The following LHFPL3 variants were observed in gnomAD, a reference collection of about 807,000 sequenced individuals.
LHFPL3 encodes the protein LHFPL tetraspan subfamily member 3 protein.
LHFPL3 carries 5 observed loss-of-function variants against 19.3 expected under a neutral mutation model. The observed-to-expected ratio is 0.26, with a 90% confidence interval of 0.14 to 0.54. The LOEUF (loss-of-function observed/expected upper bound fraction) is 0.54, where lower values mean the gene tolerates loss of function less well. Among genes scored for constraint, LHFPL3 ranks in the 20% least tolerant of loss-of-function variants. The pLI is 0.94. For synonymous variants in LHFPL3, 133 were observed against 126.2 expected, an observed-to-expected ratio of 1.05 and a Z score of -0.36; for missense variants, 249 against 307.4, an observed-to-expected ratio of 0.81 and a Z score of 1.42.
intron 1 of LHFPL3, among the ~76,000 whole-genome samples, chr7:104,366,321 TG>T (rs1254638263): frequency 6.6e-6 from 1 of 152,186 alleles, no homozygotes; most frequent in Non-Finnish European, 1.5e-5. Flanking sequence ...AACAGAGTGC[TG>T]GATTGTGAGT....
intron 1 of LHFPL3, among the ~76,000 whole-genome samples, chr7:104,491,036 T>C (rs1208990318): frequency 1.3e-5 from 2 of 152,034 alleles, no homozygotes; most frequent in African/African-American, 2.4e-5. Flanking sequence ...ATCTCAAGGG[T>C]GCAGGGTTTA....
chr7:104,754,949 G>A (rs1174099452), intron 2 of LHFPL3, among the ~76,000 whole-genome samples: 3 of 152,124 alleles, frequency 2.0e-5, no homozygotes, highest in East Asian at 1.9e-4. Flanking sequence ...GGCAGAGTGC[G>A]GTTCATCTAA....
Position 104,329,368 on chromosome 7 carries a change from G to A in LHFPL3, c.445+144G>A, listed in dbSNP as rs1018207558. ...CTCAGGCGTCGAGGTGTGGGGGGCG[G>A]GAGCCCAGCGAGGCCGGAACCCCCG... On this transcript the variant is annotated intron_variant, in intron 1 of 2. Coordinates refer to ENST00000424859, the MANE Select transcript of LHFPL3 (RefSeq NM_199000.3). The A allele has an allele frequency of 1.2e-5, 13 of 1,112,644 alleles. No homozygotes were observed. In the Admixed American group the frequency reaches 3.3e-4, roughly 28 times the overall value. 68.9% of individuals were successfully genotyped at this position (1,112,644 alleles called of 1,614,324 possible). A position where few individuals can be genotyped will look rare whatever the true frequency, so the allele number is the denominator to read the frequency against.
chr7:104,790,078 G>T (rs1291461025), intron 2 of LHFPL3, among the ~76,000 whole-genome samples: 1 of 152,204 alleles, frequency 6.6e-6, no homozygotes, highest in Non-Finnish European at 1.5e-5. Flanking sequence ...AGCCAATGAA[G>T]TCACCTTGCT....
chr7:104,880,901 T>G (rs1792038442), intron 2 of LHFPL3, among the ~76,000 whole-genome samples: 1 of 152,200 alleles, frequency 6.6e-6, no homozygotes, highest in Admixed American at 6.5e-5. Context: ...CCAGGCGCGG[T>G]GGCTCATGCC....
intron 1 of LHFPL3, among the ~76,000 whole-genome samples, chr7:104,645,754 G>A (rs939546583): frequency 2.3e-5 from 3 of 132,880 alleles, no homozygotes; most frequent in Non-Finnish European, 4.6e-5. Context: ...TCCGCCTCCC[G>A]GGTTCACGCC....
intron 1 of LHFPL3, among the ~76,000 whole-genome samples, chr7:104,426,262 T>C (rs977142399): frequency 2.0e-5 from 3 of 151,282 alleles, no homozygotes; most frequent in African/African-American, 7.2e-5. Flanking sequence ...GTTTGTTTGT[T>C]TGTTTGTTTT....
Position 104,465,674 on chromosome 7 carries a change from A to G in LHFPL3, c.445+136450A>G, listed in dbSNP as rs187827616. 1.4e-3 allele frequency among the ~76,000 whole-genome samples: 217 copies of G among 152,326 alleles called. 4 individuals are homozygous for G. The highest frequency in any genetic ancestry group is 3.1e-4 in the Non-Finnish European group (21 of 68,034). On this transcript the variant is annotated intron_variant, in intron 1 of 2. Coordinates refer to ENST00000424859, the MANE Select transcript of LHFPL3 (RefSeq NM_199000.3). ...CAGATCTTGTGAGAACTCACTCACTATCATGAGAACAGCATAAGGGTAACT... is the reference window on the plus strand; with the variant it reads ...CAGATCTTGTGAGAACTCACTCACTGTCATGAGAACAGCATAAGGGTAACT...
chr7:104,768,378 A>G (rs1052237201), intron 2 of LHFPL3, among the ~76,000 whole-genome samples: 5 of 152,152 alleles, frequency 3.3e-5, no homozygotes, highest in African/African-American at 1.2e-4. Context: ...TCACACTCCC[A>G]TCTCCAGGGA....
chr7:104,779,838 C>T (rs4400324), intron 2 of LHFPL3, among the ~76,000 whole-genome samples: 127,451 of 152,252 alleles, frequency 0.84, 53,707 homozygotes, highest in South Asian at 0.87. Context: ...GGTTGATCTG[C>T]AAGACTCCGT....
At chr7:104,560,052 C>G (rs1041579265) in intron 1 of LHFPL3, among the ~76,000 whole-genome samples, 1 of 147,884 alleles carries the variant, frequency 6.8e-6, no homozygotes, top group African/African-American at 2.6e-5. Flanking sequence ...GGTGGATAAG[C>G]TTTTTGATGT....
intron 2 of LHFPL3, among the ~76,000 whole-genome samples, chr7:104,841,268 A>C (rs1470985533): frequency 6.6e-6 from 1 of 152,098 alleles, no homozygotes; most frequent in Non-Finnish European, 1.5e-5. Flanking sequence ...GGTCAGGGAG[A>C]CCCAGAAGAG....
chr7:104,511,761 A>G (rs1793818003), intron 1 of LHFPL3, among the ~76,000 whole-genome samples: 1 of 152,078 alleles, frequency 6.6e-6, no homozygotes, highest in Admixed American at 6.5e-5. Flanking sequence ...AATCACCACT[A>G]AAGATCTTAT....
rs58195065 is a variant in LHFPL3, at chr7:104,622,002, A to G, written c.446-114673A>G. On this transcript the variant is annotated intron_variant, in intron 1 of 2. Transcript: ENST00000424859. ...AGCACATGTGTTTATAATTAATTAA[A>G]TACCCCTGATTTCTACTTAATATGC... Among the ~76,000 whole-genome samples the G allele has an allele frequency of 4.0e-3, 613 of 152,290 alleles. 35 individuals carry two copies. In the East Asian group the frequency reaches 0.099, roughly 25 times the overall value.
intron 1 of LHFPL3, among the ~76,000 whole-genome samples, chr7:104,598,142 A>T (rs1790899153): frequency 6.6e-6 from 1 of 152,206 alleles, no homozygotes. Flanking sequence ...GAGCATCCAC[A>T]TCAATTTTCA....
chr7:104,493,405 C>A (rs1369711231), intron 1 of LHFPL3, among the ~76,000 whole-genome samples: 1 of 151,776 alleles, frequency 6.6e-6, no homozygotes, highest in Non-Finnish European at 1.5e-5. Flanking sequence ...GTTTCATTGT[C>A]TTCTCTCTGT....
intron 1 of LHFPL3, among the ~76,000 whole-genome samples, chr7:104,349,072 C>T (rs1343485208): frequency 1.3e-5 from 2 of 152,014 alleles, no homozygotes; most frequent in African/African-American, 4.8e-5. Flanking sequence ...GAAGTTAAAA[C>T]TCTCTGGGAA....
intron 1 of LHFPL3, among the ~76,000 whole-genome samples, chr7:104,502,059 G>GA (rs1391206535): frequency 7.2e-5 from 11 of 152,230 alleles, no homozygotes; most frequent in Admixed American, 7.2e-4. Flanking sequence ...ATACCTACAA[G>GA]AAAAAAATGA....
chr7:104,906,104 G>A (rs1792595342), intron 2 of LHFPL3, 83 bp from the exon 3 acceptor site: 2 of 1,299,108 alleles, frequency 1.5e-6, no homozygotes, highest in African/African-American at 1.5e-5. Flanking sequence ...CAAATATTAT[G>A]CACAAAAATC....
Sources: allele counts gnomAD v4.1 joint callset (sites outside exome capture counted in the v4.1 genomes callset), GRCh38; gene constraint gnomAD v4.1.1; transcripts MANE v1.5; gene names NCBI Gene and HGNC (gene_info 2026-07-23, HGNC 2026-07-21).